TANK: variants seen among roughly 807,000 people sequenced by gnomAD.
TANK encodes TRAF family member-associated NF-kappa-B activator.
TANK carries 15 observed loss-of-function variants against 43.6 expected under a neutral mutation model. That is an observed-to-expected ratio of 0.34 (90% CI 0.23 to 0.53). The LOEUF is 0.53. Among genes scored for constraint, TANK ranks in the 20% least tolerant of loss-of-function variants. The probability of loss-of-function intolerance (pLI) is 0.94; values close to 1 mark genes in which losing one functional copy is unlikely to be tolerated. For synonymous variants in TANK, 162 were observed against 178.2 expected (o/e 0.91, Z 0.73); for missense variants, 417 against 498.6 (o/e 0.84, Z 1.56).
Position 161,160,438 on chromosome 2 carries a change from G to C in TANK, c.-98G>C. 1 of 1,240,042 alleles carries C rather than the reference G, an allele frequency of 8.1e-7. No individual in the cohort carries two copies. Among genetic ancestry groups the C allele is most frequent in the Non-Finnish European group, 1.0e-6 (1 of 991,838 alleles). 76.8% of individuals were successfully genotyped at this position (1,240,042 alleles called of 1,614,324 possible). Reference sequence around the variant, plus strand: ...CTTCCGGTTGGAGTCACTCGGCCAGGCGCCGGCGACCTGAGGGGAGAGGGA... The same window carrying C: ...CTTCCGGTTGGAGTCACTCGGCCAGCCGCCGGCGACCTGAGGGGAGAGGGA... On this transcript the variant is annotated 5_prime_UTR_variant, in exon 1 of 8. Coordinates refer to ENST00000392749, the MANE Select transcript of TANK (RefSeq NM_001199135.3).
At chr2:161,177,826 C>T (rs1233339245) in intron 1 of TANK, among the ~76,000 whole-genome samples, 2 of 151,918 alleles carry the variant, frequency 1.3e-5, no homozygotes, top group African/African-American at 4.8e-5. Context: ...TAAAATTTAA[C>T]AATAAAAAGA....
intron 1 of TANK, among the ~76,000 whole-genome samples, chr2:161,176,814 G>T (rs892197853): frequency 6.6e-6 from 1 of 152,090 alleles, no homozygotes; most frequent in Non-Finnish European, 1.5e-5. Context: ...ATTTGTCTCA[G>T]ATCTAAAGGT....
At chr2:161,161,361 AAG>A in intron 1 of TANK, 1 of 1,550,814 alleles carries the variant, frequency 6.4e-7, no homozygotes, top group Non-Finnish European at 8.7e-7. Context: ...ATTGAAGGAA[AAG>A]AAAATGACCT....
chr2:161,188,917 C>T (rs952741528), intron 2 of TANK, among the ~76,000 whole-genome samples: 1 of 152,180 alleles, frequency 6.6e-6, no homozygotes, highest in Non-Finnish European at 1.5e-5. Flanking sequence ...TGCTGCTGCC[C>T]TTTCTCTTTG....
intron 1 of TANK, chr2:161,161,695 G>T (rs1684446294): frequency 2.4e-6 from 1 of 411,650 alleles, no homozygotes; most frequent in Non-Finnish European, 4.3e-6. Context: ...CTATTTTATT[G>T]TAATGTTGGC....
At chr2:161,192,746 G>A (rs1685974110) in intron 2 of TANK, among the ~76,000 whole-genome samples, 1 of 152,160 alleles carries the variant, frequency 6.6e-6, no homozygotes, top group Non-Finnish European at 1.5e-5. Context: ...TTTAATGAAT[G>A]AGCGTATTCT....
intron 7 of TANK, among the ~76,000 whole-genome samples, chr2:161,231,898 T>A (rs1014682719): frequency 6.6e-6 from 1 of 152,202 alleles, no homozygotes; most frequent in African/African-American, 2.4e-5. Context: ...ACAAATGCTG[T>A]TTTATTTAAT....
Position 161,235,804 on chromosome 2 carries a change from T to C in TANK, c.*286T>C, listed in dbSNP as rs1424168639. The C allele has an allele frequency of 4.9e-6, 1 of 202,752 alleles. No individual in the cohort carries two copies. The highest frequency in any genetic ancestry group is 9.8e-6 in the Non-Finnish European group (1 of 102,150). 12.6% of individuals were successfully genotyped at this position (202,752 alleles called of 1,614,324 possible). ...GTGCTATTACTATAATTCAAAATTA[T>C]GTATGTGACTTAGAGTTATATAATC... On this transcript the variant is annotated 3_prime_UTR_variant, in exon 8 of 8. Coordinates refer to ENST00000392749, the MANE Select transcript of TANK (RefSeq NM_001199135.3).
intron 4 of TANK, among the ~76,000 whole-genome samples, chr2:161,209,980 T>C (rs1408687868): frequency 5.3e-5 from 8 of 152,352 alleles, no homozygotes; most frequent in African/African-American, 1.4e-4. Flanking sequence ...TATATATTTC[T>C]AATTTGTTCT....
chr2:161,150,511 G>C (rs960860928), intron 1 of TANK, among the ~76,000 whole-genome samples: 2 of 150,060 alleles, frequency 1.3e-5, no homozygotes. Context: ...ATCCTTGCTA[G>C]CTTTCAATTT....
chr2:161,167,867 G>A (rs1276198058), intron 1 of TANK, among the ~76,000 whole-genome samples: 1 of 151,910 alleles, frequency 6.6e-6, no homozygotes, highest in Non-Finnish European at 1.5e-5. Flanking sequence ...CTTGTGATAC[G>A]CTCGCCTCGG....
chr2:161,199,727 T>C (rs978250828), intron 2 of TANK, among the ~76,000 whole-genome samples: 11 of 152,154 alleles, frequency 7.2e-5, no homozygotes, highest in African/African-American at 2.7e-4. Flanking sequence ...GTTTTACTTT[T>C]GAACACTAAG....
rs551273211 is a variant in TANK at position 161,224,617 on chromosome 2, ATT to A, written c.405-4_405-3del. ...TATAGCTTTACATTTTAAAATGTTGATTTTTTTTTTTAGGGGTAATATAGAGA... is the reference window on the plus strand; with the variant it reads ...TATAGCTTTACATTTTAAAATGTTGATTTTTTTTTAGGGGTAATATAGAGA... On this transcript the variant is annotated splice_polypyrimidine_tract_variant and intron_variant, in intron 5 of 7. Coordinates refer to ENST00000392749, the MANE Select transcript of TANK (RefSeq NM_001199135.3). 37 of 1,046,646 alleles carry A rather than the reference ATT, an allele frequency of 3.5e-5. No homozygotes were observed. Among genetic ancestry groups the A allele is most frequent in the East Asian group, 9.8e-5 (3 of 30,756 alleles). 64.8% of individuals were successfully genotyped at this position (1,046,646 alleles called of 1,614,324 possible). A position where few individuals can be genotyped will look rare whatever the true frequency, so the allele number is the denominator to read the frequency against.
intron 4 of TANK, among the ~76,000 whole-genome samples, chr2:161,217,110 CAA>C (rs1475415540): frequency 2.6e-5 from 4 of 152,072 alleles, no homozygotes; most frequent in Admixed American, 2.6e-4. Flanking sequence ...AAGAAACAGA[CAA>C]AATGTTTTCT....
chr2:161,184,876 A>G (rs1685586722), intron 2 of TANK, among the ~76,000 whole-genome samples: 1 of 152,200 alleles, frequency 6.6e-6, no homozygotes, highest in South Asian at 2.1e-4. Flanking sequence ...CTAGGCCTAG[A>G]AGAAGTTCTG....
chr2:161,160,363 T>C, upstream of TANK: 6 of 1,154,636 alleles, frequency 5.2e-6, no homozygotes, highest in Non-Finnish European at 6.5e-6. Context: ...AGGTGAAGAG[T>C]TAATGGCTCC....
At chr2:161,230,597 T>C (rs1687858611) in intron 6 of TANK, among the ~76,000 whole-genome samples, 1 of 152,214 alleles carries the variant, frequency 6.6e-6, no homozygotes, top group East Asian at 1.9e-4. Context: ...ATTTTCCCTT[T>C]TAACAACTTA....
At chr2:161,137,112 C>A (rs1683608751) in intron 1 of TANK, 21 of 985,260 alleles carry the variant, frequency 2.1e-5, no homozygotes, top group Admixed American at 6.2e-5. Context: ...AGGAAAGGGG[C>A]CTGGATGTCT....
chr2:161,213,884 T>C (rs558373542), intron 4 of TANK, among the ~76,000 whole-genome samples: 1 of 152,324 alleles, frequency 6.6e-6, no homozygotes, highest in African/African-American at 2.4e-5. Context: ...AATGAACTTT[T>C]CTGCTACATT....
Sources: allele counts gnomAD v4.1 joint callset (sites outside exome capture counted in the v4.1 genomes callset), GRCh38; gene constraint gnomAD v4.1.1; transcripts MANE v1.5; gene names NCBI Gene and HGNC (gene_info 2026-07-23, HGNC 2026-07-21).